The following FBN1 variants were observed in gnomAD, a reference collection of about 807,000 sequenced individuals.
The protein encoded by FBN1 is fibrillin 1, also known as fibrillin-1.
In FBN1, 29 loss-of-function variants were observed where a neutral mutation model predicts 365.1. The observed-to-expected ratio is 0.08, with a 90% confidence interval of 0.06 to 0.11. FBN1 has a LOEUF of 0.11. Ranked by LOEUF, FBN1 falls within the 10% of genes least tolerant of loss-of-function variation. FBN1 has a pLI of 1.00. For synonymous variants in FBN1, 1,210 were observed against 1,270.5 expected, an observed-to-expected ratio of 0.95 and a Z score of 1.01; for missense variants, 2,476 against 3,703.2, an observed-to-expected ratio of 0.67 and a Z score of 8.60.
chr15:48,618,551 T>C (rs1889703875), intron 2 of FBN1, among the ~76,000 whole-genome samples: 1 of 152,134 alleles, frequency 6.6e-6, no homozygotes, highest in African/African-American at 2.4e-5. Context: ...GCAACCTGGG[T>C]AACAAAACTT....
chr15:48,452,574 C>G lies in FBN1; in HGVS notation c.5533G>C (p.Gly1845Arg), dbSNP rs753858988. The G allele has an allele frequency of 2.5e-6, 4 of 1,614,006 alleles. No individual in the cohort carries two copies. In the African/African-American group the frequency reaches 5.3e-5, roughly 22 times the overall value. The change falls in exon 45 of 66, where the codon GGA becomes CGA. Residue 1845 changes from glycine (G) to arginine (R), a missense_variant. By Grantham distance (125) the Gly-to-Arg change is moderately radical. Coordinates refer to ENST00000316623, the MANE Select transcript of FBN1 (RefSeq NM_000138.5). ...GGGCACTACATACCATTGCACTGTC[C>G]TGTGGAGGTGAAGCGGTAGCCGGGC... ...CKPGYRFTSTGQCNDRNECQE... is the reference protein window; with the variant it reads ...CKPGYRFTSTRQCNDRNECQE...
intron 32 of FBN1, among the ~76,000 whole-genome samples, chr15:48,475,034 C>A (rs951394213): frequency 2.0e-5 from 3 of 151,764 alleles, no homozygotes; most frequent in Non-Finnish European, 4.4e-5. Context: ...TAATGATGCA[C>A]ATTATTTTCA....
intron 23 of FBN1, 144 bp downstream of exon 23, chr15:48,494,060 G>T: frequency 1.4e-6 from 1 of 700,156 alleles, no homozygotes. Context: ...ATTAACAGCT[G>T]TTCCGTTTTG....
At chr15:48,642,421 T>G (rs114720846) in intron 2 of FBN1, 1 of 152,106 alleles carries the variant, frequency 6.6e-6, no homozygotes, top group African/African-American at 2.4e-5. Flanking sequence ...TATGAGTTAA[T>G]AGATGGATGC....
intron 5 of FBN1, among the ~76,000 whole-genome samples, chr15:48,599,546 A>T (rs1391713746): frequency 6.6e-6 from 1 of 152,106 alleles, no homozygotes; most frequent in Non-Finnish European, 1.5e-5. Context: ...AACAAAAAAA[A>T]AAAACAAGGT....
intron 9 of FBN1, among the ~76,000 whole-genome samples, chr15:48,524,120 C>G (rs937551087): frequency 6.6e-6 from 1 of 151,996 alleles, no homozygotes; most frequent in African/African-American, 2.4e-5. Context: ...TCCTAGGAGT[C>G]GAAGAGAGAG....
chr15:48,630,244 G>A (rs1459450710), intron 2 of FBN1, among the ~76,000 whole-genome samples: 16 of 152,160 alleles, frequency 1.1e-4, no homozygotes, highest in Non-Finnish European at 2.4e-4. Context: ...GGGGGAAGGG[G>A]TTTTTGTGTA....
chr15:48,512,312 C>T (rs372988728), intron 13 of FBN1, among the ~76,000 whole-genome samples: 22 of 152,322 alleles, frequency 1.4e-4, no homozygotes, highest in African/African-American at 5.3e-4. Flanking sequence ...ATAAACCTCG[C>T]TATCTTTTAC....
chr15:48,415,227 G>A (rs540602405), intron 64 of FBN1, among the ~76,000 whole-genome samples: 10 of 152,340 alleles, frequency 6.6e-5, no homozygotes, highest in African/African-American at 2.4e-4. Context: ...TGGGTTGGCA[G>A]AGAGGTGTAT....
At chr15:48,521,337 T>C (rs537326084) in intron 9 of FBN1, among the ~76,000 whole-genome samples, 1 of 152,352 alleles carries the variant, frequency 6.6e-6, no homozygotes, top group South Asian at 2.1e-4. Context: ...GTTGTTGTTA[T>C]TTTTGAAGAA....
intron 10 of FBN1, among the ~76,000 whole-genome samples, chr15:48,519,154 A>T (rs2043829999): frequency 1.3e-5 from 2 of 152,232 alleles, no homozygotes; most frequent in Admixed American, 1.3e-4. Context: ...CTTAGTAGGA[A>T]GTCATGTGCT....
At chr15:48,552,848 AG>A (rs2044153899) in intron 6 of FBN1, among the ~76,000 whole-genome samples, 2 of 152,342 alleles carry the variant, frequency 1.3e-5, no homozygotes, top group South Asian at 2.1e-4. Flanking sequence ...TGAGCAAAGT[AG>A]GTCAAGTGCA....
chr15:48,567,655 A>C (rs2044267253), intron 6 of FBN1, among the ~76,000 whole-genome samples: 1 of 152,202 alleles, frequency 6.6e-6, no homozygotes, highest in African/African-American at 2.4e-5. Context: ...GGTCAGTTTA[A>C]CATCTGAAAA....
At chr15:48,570,122 T>G (rs1056172258) in intron 6 of FBN1, among the ~76,000 whole-genome samples, 8 of 152,296 alleles carry the variant, frequency 5.3e-5, no homozygotes, top group Non-Finnish European at 8.8e-5. Flanking sequence ...CTCTTTCTGT[T>G]TGTTTTGGTT....
Position 48,600,135 on chromosome 15 carries a change from T to A in FBN1, c.442+4A>T, listed in dbSNP as rs768207411. 1.9e-6 allele frequency: 3 copies of A among 1,596,568 alleles called. No individual in the cohort carries two copies. The highest frequency in any genetic ancestry group is 2.2e-5 in the East Asian group (1 of 44,784). On this transcript the variant is annotated splice_donor_region_variant and intron_variant, in intron 5 of 65. Transcript: ENST00000316623. ...TAGAATACTTATAACTACAGTGTAC[T>A]TACGTTGTCCACAGTGAGTCCCTAT...
At chr15:48,631,369 C>A (rs1478760549) in intron 2 of FBN1, among the ~76,000 whole-genome samples, 1 of 152,174 alleles carries the variant, frequency 6.6e-6, no homozygotes, top group Non-Finnish European at 1.5e-5. Context: ...CCCAATCACG[C>A]AAGCAAGGCC....
At chr15:48,565,703 T>A (rs1413720089) in intron 6 of FBN1, among the ~76,000 whole-genome samples, 1 of 151,952 alleles carries the variant, frequency 6.6e-6, no homozygotes, top group East Asian at 1.9e-4. Context: ...TTTTGTAGAC[T>A]TCAAATGTCT....
chr15:48,469,219 G>T (rs991897161), intron 36 of FBN1, among the ~76,000 whole-genome samples: 1 of 135,526 alleles, frequency 7.4e-6, no homozygotes, highest in Admixed American at 7.1e-5. Context: ...TGTGACCTCG[G>T]TCAACCAAAA....
Position 48,515,340 on chromosome 15 carries a change from C to A in FBN1, c.1468+47G>T, listed in dbSNP as rs749222720. 4.3e-6 allele frequency: 7 copies of A among 1,611,070 alleles called. No homozygotes were observed. The South Asian group carries it at 6.6e-5, about 15-fold the overall frequency. The stretch of plus-strand genomic sequence containing the variant: ...ATAGAAAACCAGTAGAGTCAAGGAA[C>A]AGAATTACAACAGACCCTTGGTGCC... On this transcript the variant is annotated intron_variant, in intron 12 of 65. Transcript: ENST00000316623.
Sources: allele counts gnomAD v4.1 joint callset (sites outside exome capture counted in the v4.1 genomes callset), GRCh38; gene constraint gnomAD v4.1.1; transcripts MANE v1.5; gene names NCBI Gene and HGNC (gene_info 2026-07-23, HGNC 2026-07-21).